RELN: variants seen among roughly 807,000 people sequenced by gnomAD.
The protein encoded by RELN is reelin.
RELN carries 108 observed loss-of-function variants against 427.6 expected under a neutral mutation model. That is an observed-to-expected ratio of 0.25 (90% CI 0.22 to 0.30). The LOEUF (loss-of-function observed/expected upper bound fraction) is 0.30, where lower values mean the gene tolerates loss of function less well. Ranked by LOEUF, RELN falls within the 10% of genes least tolerant of loss-of-function variation. The pLI is 1.00. For missense variants in RELN, 3,715 were observed against 4,302.8 expected, an observed-to-expected ratio of 0.86 and a Z score of 3.82; for synonymous variants, 1,524 against 1,513.4, an observed-to-expected ratio of 1.01 and a Z score of -0.16.
intron 3 of RELN, among the ~76,000 whole-genome samples, chr7:103,832,703 C>A (rs59698766): frequency 0.026 from 3,964 of 152,130 alleles, 156 homozygotes; most frequent in African/African-American, 0.09. Context: ...TCTAAGGATG[C>A]TCTTGAGAAC....
At chr7:103,736,004 C>T (rs1029492417) in intron 6 of RELN, among the ~76,000 whole-genome samples, 19 of 152,254 alleles carry the variant, frequency 1.2e-4, no homozygotes, top group African/African-American at 4.1e-4. Context: ...TTTCCTGACC[C>T]AAAGATAATG....
In RELN at chr7:103,581,299, C is replaced by T. The variant is rs1562903700; in HGVS notation, c.4146-5594G>A. Among the ~76,000 whole-genome samples, 3 of 152,086 alleles carry T rather than the reference C, an allele frequency of 2.0e-5. No individual in the cohort carries two copies. In the South Asian group the frequency reaches 6.2e-4, roughly 32 times the overall value. On this transcript the variant is annotated intron_variant, in intron 28 of 64. Coordinates refer to ENST00000428762, the MANE Select transcript of RELN (RefSeq NM_005045.4). ...GACTGCTATGTGCTTCCCATTCCTT[C>T]CTTTTTGTTTATTATTATTATTTTT...
At chr7:103,708,377 C>G (rs552629619) in intron 8 of RELN, among the ~76,000 whole-genome samples, 4 of 151,814 alleles carry the variant, frequency 2.6e-5, no homozygotes, top group Non-Finnish European at 1.5e-5. Context: ...TCCCAACAGC[C>G]TTTCTCACTT....
chr7:103,616,537 G>A (rs1472763575), intron 20 of RELN, among the ~76,000 whole-genome samples: 3 of 152,054 alleles, frequency 2.0e-5, no homozygotes, highest in Non-Finnish European at 4.4e-5. Flanking sequence ...AAAACAACCC[G>A]ATAATATAAA....
intron 4 of RELN, among the ~76,000 whole-genome samples, chr7:103,759,628 A>G (rs1283824362): frequency 6.6e-6 from 1 of 152,064 alleles, no homozygotes; most frequent in African/African-American, 2.4e-5. Context: ...AAAAGTCACT[A>G]TTTTCACTCA....
chr7:103,549,183 G>A (rs772493501), intron 41 of RELN, among the ~76,000 whole-genome samples: 2 of 152,058 alleles, frequency 1.3e-5, no homozygotes, highest in Admixed American at 6.6e-5. Flanking sequence ...AAATCGGGTG[G>A]CTTATAAATA....
intron 16 of RELN, among the ~76,000 whole-genome samples, chr7:103,641,230 G>A (rs963332170): frequency 2.0e-5 from 3 of 152,084 alleles, no homozygotes; most frequent in Non-Finnish European, 4.4e-5. Flanking sequence ...TGTAAAAGTG[G>A]TATTAAACTA....
chr7:103,954,820 C>G (rs964579549), intron 1 of RELN, among the ~76,000 whole-genome samples: 3 of 152,172 alleles, frequency 2.0e-5, no homozygotes, highest in African/African-American at 7.2e-5. Flanking sequence ...GACTAAACTT[C>G]TGTATTTCAA....
intron 1 of RELN, among the ~76,000 whole-genome samples, chr7:103,957,157 T>C (rs776412195): frequency 7.9e-5 from 12 of 152,258 alleles, no homozygotes; most frequent in Non-Finnish European, 1.8e-4. Flanking sequence ...ATGGAACTCA[T>C]TTCCCTTGAG....
At position 103,482,950 on chromosome 7, in the gene RELN, G is replaced by C. The variant is rs749084992; in HGVS notation, c.10203C>G (p.Val3401=). ...NVPLEARMKG[V]LLRWWQPRHN... ...GGCGTGGTTGCCACCAGCGCAGTAAGACTCCTTTCATCCGTGCCTCCCTGG... is the reference window on the plus strand; with the variant it reads ...GGCGTGGTTGCCACCAGCGCAGTAACACTCCTTTCATCCGTGCCTCCCTGG... The change falls in exon 63 of 65, where the codon GTC becomes GTG. Residue 3401 remains valine, a synonymous_variant. Transcript: ENST00000428762. 6.2e-7 allele frequency: 1 copy of C among 1,614,126 alleles called. No individual in the cohort carries two copies. Among genetic ancestry groups the C allele is most frequent in the South Asian group, 1.1e-5 (1 of 91,082 alleles).
At chr7:103,743,643 A>G (rs1790731992) in intron 6 of RELN, among the ~76,000 whole-genome samples, 1 of 152,200 alleles carries the variant, frequency 6.6e-6, no homozygotes, top group Non-Finnish European at 1.5e-5. Flanking sequence ...CTTTAAACCA[A>G]CAAAGATCAA....
At chr7:103,695,012 A>G (rs1031796361) in intron 10 of RELN, among the ~76,000 whole-genome samples, 1 of 152,002 alleles carries the variant, frequency 6.6e-6, no homozygotes, top group Admixed American at 6.6e-5. Flanking sequence ...TACAACTCCA[A>G]AAACTAAAAG....
intron 20 of RELN, among the ~76,000 whole-genome samples, chr7:103,629,603 C>G (rs768345992): frequency 6.6e-6 from 1 of 151,282 alleles, no homozygotes; most frequent in African/African-American, 2.4e-5. Context: ...ATGGTCATCA[C>G]TTTAATAACT....
intron 6 of RELN, among the ~76,000 whole-genome samples, chr7:103,737,889 A>T (rs998514346): frequency 1.3e-5 from 2 of 152,020 alleles, no homozygotes; most frequent in Non-Finnish European, 2.9e-5. Flanking sequence ...ACCTTTCTGT[A>T]TCATTATCCA....
In RELN at chr7:103,557,175, C is replaced by T. The variant is rs1554377679; in HGVS notation, c.5615-16G>A. 2.5e-6 allele frequency: 4 copies of T among 1,596,440 alleles called. No homozygotes were observed. In the Admixed American group the frequency reaches 6.7e-5, roughly 27 times the overall value. On this transcript the variant is annotated splice_polypyrimidine_tract_variant and intron_variant, in intron 37 of 64. Coordinates refer to ENST00000428762, the MANE Select transcript of RELN (RefSeq NM_005045.4). ...TCTGGGGTACCTAGGAAGAAGATAA[C>T]ACAGGTATAAAACATACTGTGATAA...
intron 19 of RELN, among the ~76,000 whole-genome samples, chr7:103,631,286 C>CTTTTTTTTTTTTTTTTTTTTTTTT (rs545808640): frequency 1.3e-5 from 1 of 77,812 alleles, no homozygotes; most frequent in African/African-American, 5.0e-5. Context: ...AAAAACACTT[C>CTTTTTTTTTTTTTTTTTTTTTTTT]TTTTTTTTTT....
intron 3 of RELN, among the ~76,000 whole-genome samples, chr7:103,790,190 C>T (rs908958560): frequency 3.8e-4 from 58 of 151,928 alleles, no homozygotes; most frequent in Admixed American, 2.3e-3. Flanking sequence ...GTTGTGGGGG[C>T]GGGGACAAGG....
chr7:103,618,916 TC>T (rs1415239913), intron 20 of RELN, among the ~76,000 whole-genome samples: 1 of 151,934 alleles, frequency 6.6e-6, no homozygotes, highest in Non-Finnish European at 1.5e-5. Context: ...ATCGAAACCA[TC>T]CTGGCTAACA....
At chr7:103,786,556 T>C (rs1036060796) in intron 3 of RELN, among the ~76,000 whole-genome samples, 2 of 146,882 alleles carry the variant, frequency 1.4e-5, no homozygotes, top group South Asian at 2.1e-4. Flanking sequence ...GCTATCCTAG[T>C]ATCTGATAAA....
Sources: allele counts gnomAD v4.1 joint callset (sites outside exome capture counted in the v4.1 genomes callset), GRCh38; gene constraint gnomAD v4.1.1; transcripts MANE v1.5; gene names NCBI Gene and HGNC (gene_info 2026-07-23, HGNC 2026-07-21).